CFAP90: variants seen among roughly 807,000 people sequenced by gnomAD.
The protein encoded by CFAP90 is cilia and flagella associated protein 90, also known as cilia- and flagella-associated protein 90.
At chr5:7,839,770 G>A in the CFAP90 span, among the ~76,000 whole-genome samples, 1 of 152,076 alleles carries the variant, frequency 6.6e-6, no homozygotes, top group East Asian at 1.9e-4. Context: ...CAGAGTCTTA[G>A]GAAGCTTATT....
At chr5:7,831,982 C>T in the CFAP90 span, 2 of 1,614,012 alleles carry the variant, frequency 1.2e-6, no homozygotes, top group Non-Finnish European at 1.7e-6. Context: ...GATTGATGCG[C>T]TTCCCATAGA....
the CFAP90 span, among the ~76,000 whole-genome samples, chr5:7,844,438 G>GT: frequency 6.6e-6 from 1 of 152,162 alleles, no homozygotes; most frequent in Non-Finnish European, 1.5e-5. Flanking sequence ...CATGCAACAG[G>GT]TATTTATGGA....
chr5:7,840,310 G>A, the CFAP90 span, among the ~76,000 whole-genome samples: 48,198 of 151,960 alleles, frequency 0.32, 8,027 homozygotes, highest in Admixed American at 0.45. Context: ...GTCCACAGGC[G>A]GCCTGGGCAG....
chr5:7,849,953 C>A, the CFAP90 span, among the ~76,000 whole-genome samples: 1,932 of 152,140 alleles, frequency 0.013, 36 homozygotes, highest in East Asian at 0.059. Flanking sequence ...GCCCCGGCTT[C>A]CCGCGACCCC....
the CFAP90 span, among the ~76,000 whole-genome samples, chr5:7,848,658 C>G: frequency 6.6e-6 from 1 of 152,212 alleles, no homozygotes; most frequent in East Asian, 1.9e-4. Context: ...CAAATCTCAT[C>G]TTGAATTGTA....
chr5:7,841,791 C>G, the CFAP90 span, among the ~76,000 whole-genome samples: 1 of 152,098 alleles, frequency 6.6e-6, no homozygotes, highest in African/African-American at 2.4e-5. Context: ...CATAGGGACA[C>G]ATGGGGGGTG....
At chr5:7,831,711 T>C in the CFAP90 span, 30 of 799,004 alleles carry the variant, frequency 3.8e-5, no homozygotes, top group East Asian at 1.0e-4. Flanking sequence ...TGTGTCCCAC[T>C]GTAGAGATGC....
the CFAP90 span, among the ~76,000 whole-genome samples, chr5:7,842,831 T>C: frequency 6.6e-6 from 1 of 152,208 alleles, no homozygotes. Context: ...ATTTCTGTGG[T>C]GTAAATACTT....
the CFAP90 span, among the ~76,000 whole-genome samples, chr5:7,836,044 G>T: frequency 2.0e-5 from 3 of 152,054 alleles, no homozygotes; most frequent in Non-Finnish European, 4.4e-5. Context: ...GGGCAAACAA[G>T]CCCCCTCACG....
the CFAP90 span, among the ~76,000 whole-genome samples, chr5:7,848,343 T>C: frequency 6.6e-6 from 1 of 152,110 alleles, no homozygotes; most frequent in Non-Finnish European, 1.5e-5. Context: ...CCCCCTGTCC[T>C]TGCATATTGC....
the CFAP90 span, among the ~76,000 whole-genome samples, chr5:7,837,060 T>C: frequency 6.6e-6 from 1 of 152,174 alleles, no homozygotes; most frequent in East Asian, 1.9e-4. Context: ...GTGATAAGTG[T>C]AACACTTGGT....
the CFAP90 span, among the ~76,000 whole-genome samples, chr5:7,833,365 A>C: frequency 7.5e-6 from 1 of 134,160 alleles, no homozygotes; most frequent in Non-Finnish European, 1.6e-5. Context: ...ATGTATTCAC[A>C]CATATATACA....
the CFAP90 span, among the ~76,000 whole-genome samples, chr5:7,840,768 G>T: frequency 6.6e-6 from 1 of 152,282 alleles, no homozygotes; most frequent in African/African-American, 2.4e-5. Context: ...ATCAATTATG[G>T]TGAGGTCATA....
chr5:7,846,378 TATTTCTCAA>T, the CFAP90 span, among the ~76,000 whole-genome samples: 1 of 152,192 alleles, frequency 6.6e-6, no homozygotes, highest in Non-Finnish European at 1.5e-5. Context: ...AACAGATGCT[TATTTCTCAA>T]GGTTCTCAAG....
the CFAP90 span, among the ~76,000 whole-genome samples, chr5:7,849,186 C>T: frequency 4.6e-5 from 7 of 152,160 alleles, no homozygotes; most frequent in African/African-American, 1.7e-4. Flanking sequence ...ACAATTCAAC[C>T]GACAGCAGTT....
the CFAP90 span, among the ~76,000 whole-genome samples, chr5:7,832,403 C>G: frequency 4.6e-5 from 7 of 152,170 alleles, no homozygotes; most frequent in Non-Finnish European, 2.9e-5. Flanking sequence ...CCCTCCCCAG[C>G]TCCCTGCTCA....
the CFAP90 span, chr5:7,850,815 GCCGCC>G: frequency 1.7e-6 from 2 of 1,209,068 alleles, no homozygotes; most frequent in South Asian, 4.0e-5. Context: ...CAGCCGCCCA[GCCGCC>G]CAGCCGCCCA....
chr5:7,849,698 AT>A, the CFAP90 span, among the ~76,000 whole-genome samples: 13 of 152,140 alleles, frequency 8.5e-5, no homozygotes, highest in African/African-American at 3.1e-4. Context: ...AGACTCGCAG[AT>A]CCCATCCCAG....
chr5:7,848,752 T>G, the CFAP90 span, among the ~76,000 whole-genome samples: 1 of 152,184 alleles, frequency 6.6e-6, no homozygotes. Context: ...CCTGTTCTCG[T>G]GATAGTGAGT....
Sources: gnomAD v4.1 joint callset for allele counts (sites outside exome capture counted in the v4.1 genomes callset) on GRCh38, gnomAD v4.1.1 for gene constraint, MANE v1.5 for transcripts, NCBI Gene and HGNC (gene_info 2026-07-23, HGNC 2026-07-21) for gene names.